NPEPL1: variants seen among roughly 807,000 people sequenced by gnomAD.
The protein encoded by NPEPL1 is aminopeptidase like 1.
A neutral mutation model predicts 52.4 loss-of-function variants in NPEPL1; 45 were observed. The ratio of observed to expected loss-of-function variants is 0.86; its 90% confidence interval spans 0.68 to 1.10. NPEPL1 has a LOEUF of 1.10. Ranked by LOEUF, NPEPL1 falls within the 50% of genes least tolerant of loss-of-function variation. NPEPL1 has a pLI of 0.00. For synonymous variants in NPEPL1, 360 were observed against 314.7 expected (o/e 1.14, Z -1.52); for missense variants, 696 against 710.9 (o/e 0.98, Z 0.24).
At chr20:58,712,707 T>G in intron 8 of NPEPL1, 128 bp downstream of exon 8, 2 of 742,936 alleles carry the variant, frequency 2.7e-6, no homozygotes, top group South Asian at 1.4e-5. Context: ...GGCAGCAGGC[T>G]CCTTGCTTCC....
upstream of NPEPL1, chr20:58,691,262 G>T: frequency 1.5e-6 from 1 of 666,616 alleles, no homozygotes; most frequent in Non-Finnish European, 2.7e-6. Flanking sequence ...AAAACATTCA[G>T]CTGCTGTAAA....
chr20:58,703,969 A>G (rs890333248), intron 6 of NPEPL1: 3 of 985,280 alleles, frequency 3.0e-6, no homozygotes, highest in Non-Finnish European at 3.6e-6. Flanking sequence ...CCAGTGAAAC[A>G]ATACCTGGTT....
chr20:58,707,759 CAG>C (rs2084766321), intron 7 of NPEPL1, among the ~76,000 whole-genome samples: 1 of 152,112 alleles, frequency 6.6e-6, no homozygotes, highest in African/African-American at 2.4e-5. Flanking sequence ...CCATGGAGCC[CAG>C]ATGTCCCTGG....
At chr20:58,699,850 TTA>T (rs2084577509) in intron 5 of NPEPL1, among the ~76,000 whole-genome samples, 1 of 152,330 alleles carries the variant, frequency 6.6e-6, no homozygotes, top group Admixed American at 6.5e-5. Flanking sequence ...GCTGTCTGTG[TTA>T]TGTGTGGCTA....
At chr20:58,696,812 T>C (rs1157622320) in intron 3 of NPEPL1, among the ~76,000 whole-genome samples, 2 of 152,214 alleles carry the variant, frequency 1.3e-5, no homozygotes, top group African/African-American at 4.8e-5. Context: ...TGCACTGAAT[T>C]CTCACTACAG....
At chr20:58,692,654 G>C (rs2084374437), upstream of NPEPL1, 3 of 256,334 alleles carry the variant, frequency 1.2e-5, no homozygotes, top group South Asian at 2.9e-4. The surrounding 1 kb of genome is among the most constrained non-coding windows in gnomAD (Gnocchi z 5.7). Context: ...GGGCCTGCTC[G>C]GGGCCGGCTT....
rs2123073157 is a variant in NPEPL1 at position 58,692,968 on chromosome 20, T to C, written c.68T>C (p.Leu23Pro). 5 of 1,192,382 alleles carry C rather than the reference T, an allele frequency of 4.2e-6. No homozygotes were observed. In the South Asian group the frequency reaches 9.8e-5, roughly 23 times the overall value. 73.9% of individuals were successfully genotyped at this position (1,192,382 alleles called of 1,614,324 possible). A position where few individuals can be genotyped will look rare whatever the true frequency, so the allele number is the denominator to read the frequency against. Residue 23 changes from leucine to proline, a missense_variant, in exon 1 of 12, where the codon CTG becomes CCG. Leu to Pro is a moderately conservative substitution (Grantham distance 98). Transcript: ENST00000356091. The surrounding 1 kb of genome is among the most constrained non-coding windows in gnomAD (Gnocchi z 5.7). ...GDSDPQSRPL[L>P]LLGQLHHLHR... ...TCGGACCCACAGAGCCGGCCCCTGC[T>C]GCTGCTCGGGCAGCTGCACCACCTG...
intron 5 of NPEPL1, among the ~76,000 whole-genome samples, chr20:58,699,729 G>T (rs1353623726): frequency 6.6e-6 from 1 of 152,180 alleles, no homozygotes; most frequent in Admixed American, 6.5e-5. Flanking sequence ...TCCTCAGAGA[G>T]GCCTTCCCCA....
intron 6 of NPEPL1, chr20:58,704,263 C>T (rs1219023770): frequency 1.0e-6 from 1 of 983,906 alleles, no homozygotes; most frequent in African/African-American, 1.8e-5. Flanking sequence ...CCGGCTGGAG[C>T]CAGCCCAGCT....
upstream of NPEPL1, chr20:58,692,685 T>C (rs1046388108): frequency 2.4e-6 from 1 of 411,754 alleles, no homozygotes; most frequent in East Asian, 1.6e-4. This position sits in a 1 kb window ranked among gnomAD's most constrained non-coding sequence, Gnocchi z 5.7. Flanking sequence ...CGGCCGGGCC[T>C]GCCCGCACCC....
intron 7 of NPEPL1, among the ~76,000 whole-genome samples, chr20:58,710,541 G>C (rs1274600685): frequency 6.6e-6 from 1 of 150,894 alleles, no homozygotes; most frequent in Non-Finnish European, 1.5e-5. Flanking sequence ...CAAAACCCTT[G>C]GCCGCCCTGG....
In NPEPL1 at chr20:58,702,660, T is replaced by TTGA. The variant is rs530460604; in HGVS notation, c.822+1504_822+1506dup. On this transcript the variant is annotated intron_variant, in intron 6 of 11. Coordinates refer to ENST00000356091, the MANE Select transcript of NPEPL1 (RefSeq NM_024663.4). ...ACGTTTGACAATGGTTTCATTTAAA[T>TTGA]TGATCTTCTTTACTAATGTATGTTC... is the stretch of plus-strand genomic sequence containing the variant. Among the ~76,000 whole-genome samples the TTGA allele has an allele frequency of 2.8e-3, 420 of 152,332 alleles. 1 individual carries two copies. The highest frequency in any genetic ancestry group is 9.6e-3 in the African/African-American group (397 of 41,570).
chr20:58,707,067 G>A, intron 6 of NPEPL1, 56 bp from the exon 7 acceptor site: 1 of 1,522,858 alleles, frequency 6.6e-7, no homozygotes, highest in Non-Finnish European at 8.9e-7. Flanking sequence ...GGCTTCCGCT[G>A]CCAGGCCTGG....
chr20:58,693,019 G>A lies in NPEPL1; in HGVS notation c.119G>A (p.Arg40His). The A allele has an allele frequency of 9.2e-6, 10 of 1,089,986 alleles. No individual in the cohort carries two copies. The highest frequency in any genetic ancestry group is 1.0e-5 in the Non-Finnish European group (9 of 889,874). The allele number at this position is 1,089,986 out of a possible 1,614,324, so 67.5% of individuals were successfully genotyped here. A position where few individuals can be genotyped will look rare whatever the true frequency, so the allele number is the denominator to read the frequency against. Reference protein sequence around the residue: ...HLHRVPWSHVRGKLQPRVTEE... With the variant: ...HLHRVPWSHVHGKLQPRVTEE... ...CACCGCGTGCCCTGGAGCCACGTCCGCGGGAAGCTGCAGCCCCGGGTCACC... is the reference window on the plus strand; with the variant it reads ...CACCGCGTGCCCTGGAGCCACGTCCACGGGAAGCTGCAGCCCCGGGTCACC... The change falls in exon 1 of 12, where the codon CGC (arginine) becomes CAC (histidine). Residue 40 changes from arginine (R) to histidine (H), a missense_variant. Arg to His is a conservative substitution (Grantham distance 29, BLOSUM62 0). Transcript: ENST00000356091.
At position 58,714,544 on chromosome 20, in the gene NPEPL1, C is replaced by G; in HGVS notation, c.1303-16C>G. ...CGGAGCAACCCACAGGCACTGTGTC[C>G]TCCTGGCCTCCCTAGGACCGAGACA... On this transcript the variant is annotated splice_polypyrimidine_tract_variant and intron_variant, in intron 10 of 11. Coordinates refer to ENST00000356091, the MANE Select transcript of NPEPL1 (RefSeq NM_024663.4). 5 of 1,552,212 alleles carry G rather than the reference C, an allele frequency of 3.2e-6. No homozygotes were observed. The highest frequency in any genetic ancestry group is 1.4e-5 in the African/African-American group (1 of 73,594).
chr20:58,702,601 A>ATGTT (rs375557139), intron 6 of NPEPL1, among the ~76,000 whole-genome samples: 4 of 152,122 alleles, frequency 2.6e-5, no homozygotes, highest in African/African-American at 9.7e-5. Flanking sequence ...GGTGGAATGA[A>ATGTT]TGTTTGTTTC....
At chr20:58,690,568 A>G (rs2084328034), upstream of NPEPL1, among the ~76,000 whole-genome samples, 1 of 152,218 alleles carries the variant, frequency 6.6e-6, no homozygotes, top group Admixed American at 6.5e-5. Flanking sequence ...AAGTGGAATA[A>G]TTCCTTAGCG....
chr20:58,701,093 C>A lies in NPEPL1; in HGVS notation c.757C>A (p.Gln253Lys). 1 of 1,594,432 alleles carries A rather than the reference C, an allele frequency of 6.3e-7. No individual in the cohort carries two copies. The highest frequency in any genetic ancestry group is 8.5e-7 in the Non-Finnish European group (1 of 1,171,404). Residue 253 changes from glutamine (Q) to lysine (K), a missense_variant, in exon 6 of 12, where the codon CAG becomes AAG. Physicochemically the swap from Gln to Lys is moderately conservative, Grantham distance 53. Coordinates refer to ENST00000356091, the MANE Select transcript of NPEPL1 (RefSeq NM_024663.4). ...VLSHTPDGATQTIAWVGKGIV... is the reference protein window; with the variant it reads ...VLSHTPDGATKTIAWVGKGIV... ...CAGCCACACCCCAGATGGAGCCACG[C>A]AGACCATCGCCTGGGTGGGCAAAGG...
chr20:58,710,042 T>TC (rs1339219806), intron 7 of NPEPL1, among the ~76,000 whole-genome samples: 1 of 143,254 alleles, frequency 7.0e-6, no homozygotes, highest in Non-Finnish European at 1.5e-5. Flanking sequence ...CTTTTTTTTT[T>TC]TTTTTTTTTT....
Sources: allele counts gnomAD v4.1 joint callset (sites outside exome capture counted in the v4.1 genomes callset), GRCh38; gene constraint gnomAD v4.1.1; non-coding constraint Gnocchi (gnomAD v3.1); transcripts MANE v1.5; gene names NCBI Gene and HGNC (gene_info 2026-07-23, HGNC 2026-07-21).